REC114: variants seen among roughly 807,000 people sequenced by gnomAD.
REC114 encodes the protein meiotic recombination protein REC114.
Under a neutral mutation model 31.3 loss-of-function variants are expected in REC114, and 27 were observed. The ratio of observed to expected loss-of-function variants is 0.86; its 90% CI spans 0.64 to 1.19. The LOEUF is 1.19. Ranked by LOEUF, REC114 falls within the 50% of genes most tolerant of loss-of-function variation. REC114 has a pLI of 0.00. For synonymous variants in REC114, 134 were observed against 127.7 expected, an observed-to-expected ratio of 1.05 and a Z score of -0.33; for missense variants, 344 against 326.9, an observed-to-expected ratio of 1.05 and a Z score of -0.40.
At position 73,443,192 on chromosome 15, in the gene REC114, G is replaced by A; in HGVS notation, c.7G>A (p.Glu3Lys). The A allele has an allele frequency of 3.2e-6, 5 of 1,568,146 alleles. No homozygotes were observed. The highest frequency in any genetic ancestry group is 4.3e-6 in the Non-Finnish European group (5 of 1,157,988). MA[E>K]AGKVPLSLGL... Reference sequence around the variant, plus strand: ...GCGTGTGGTGAGGCAGGACATGGCGGAGGCAGGAAAAGTGCCCTTGAGCCT... The same window carrying A: ...GCGTGTGGTGAGGCAGGACATGGCGAAGGCAGGAAAAGTGCCCTTGAGCCT... The change falls in exon 1 of 6, where the codon GAG (glutamate) becomes AAG (lysine). Residue 3 changes from glutamate (E) to lysine (K), a missense_variant. Coordinates refer to ENST00000331090, the MANE Select transcript of REC114 (RefSeq NM_001042367.2).
intron 2 of REC114, among the ~76,000 whole-genome samples, chr15:73,535,068 A>G (rs557889373): frequency 7.1e-6 from 1 of 140,040 alleles, no homozygotes; most frequent in East Asian, 2.0e-4. Context: ...CCCACAGCCA[A>G]TATCATACTG....
chr15:73,457,578 C>T (rs1247407124), intron 1 of REC114, among the ~76,000 whole-genome samples: 2 of 152,136 alleles, frequency 1.3e-5, no homozygotes, highest in East Asian at 1.9e-4. Context: ...TAACCTGGGG[C>T]AGTGGTAAGG....
chr15:73,530,166 G>A (rs1466589953), intron 2 of REC114, among the ~76,000 whole-genome samples: 1 of 152,106 alleles, frequency 6.6e-6, no homozygotes, highest in African/African-American at 2.4e-5. Context: ...TGTGGAATAG[G>A]TACTTTGAAG....
At chr15:73,449,801 C>A (rs777728384) in intron 1 of REC114, among the ~76,000 whole-genome samples, 1 of 152,134 alleles carries the variant, frequency 6.6e-6, no homozygotes, top group Non-Finnish European at 1.5e-5. Flanking sequence ...GCAGATCTTT[C>A]GGCAGAACCC....
chr15:73,451,024 G>A (rs777905749), intron 1 of REC114, among the ~76,000 whole-genome samples: 6 of 152,150 alleles, frequency 3.9e-5, no homozygotes, highest in Admixed American at 6.5e-5. Context: ...ATGCCCACAA[G>A]AGAAAGCAGG....
chr15:73,518,973 C>A (rs1243632299), intron 2 of REC114, among the ~76,000 whole-genome samples: 1 of 152,060 alleles, frequency 6.6e-6, no homozygotes, highest in African/African-American at 2.4e-5. Flanking sequence ...AAAACAAGCC[C>A]ATGAAAAATG....
Position 73,531,763 on chromosome 15 carries a change from G to A in REC114, c.250-8722G>A, listed in dbSNP as rs189353193. On this transcript the variant is annotated intron_variant, in intron 2 of 5. Transcript: ENST00000331090. The stretch of plus-strand genomic sequence containing the variant: ...AGGGTAGAAGCAACAGCCAGCCATT[G>A]CAGGGCACAGCACCTCCTGCTGCTA... 2.1e-3 allele frequency among the ~76,000 whole-genome samples: 322 copies of A among 152,276 alleles called. 1 individual carries two copies. The highest frequency in any genetic ancestry group is 3.2e-3 in the Non-Finnish European group (221 of 68,024).
At chr15:73,514,398 C>G (rs1029409333) in intron 2 of REC114, among the ~76,000 whole-genome samples, 1 of 151,874 alleles carries the variant, frequency 6.6e-6, no homozygotes, top group Non-Finnish European at 1.5e-5. Context: ...AGAAATCACC[C>G]GTCTTCTGCG....
chr15:73,541,351 C>T (rs1894235075), intron 3 of REC114, among the ~76,000 whole-genome samples: 1 of 152,188 alleles, frequency 6.6e-6, no homozygotes, highest in Non-Finnish European at 1.5e-5. Context: ...TTTCATATCA[C>T]ATTTCAGTTG....
chr15:73,556,556 G>A (rs117763921), intron 5 of REC114, among the ~76,000 whole-genome samples, 165 bp downstream of exon 5: 209 of 152,232 alleles, frequency 1.4e-3, no homozygotes, highest in Middle Eastern at 3.4e-3. Flanking sequence ...CCCTTGCAGA[G>A]TTAAGTTTTA....
chr15:73,540,561 C>A lies in REC114; in HGVS notation c.326C>A (p.Thr109Lys), dbSNP rs540050346. 3.1e-6 allele frequency: 5 copies of A among 1,611,954 alleles called. No homozygotes were observed. The South Asian group carries it at 4.4e-5, about 14-fold the overall frequency. The change falls in exon 3 of 6, where the codon ACG becomes AAG. Residue 109 changes from threonine to lysine, a missense_variant. Thr to Lys is a moderately conservative substitution (Grantham distance 78, BLOSUM62 -1). Transcript: ENST00000331090. ...GTGGATTGTCTGTTGTTTGGAACAA[C>A]GATAAAGGCAAGATTTAAGCTAATG... ...RRVDCLLFGT[T>K]IKDKSRLFRV...
At chr15:73,531,428 A>G (rs1894081093) in intron 2 of REC114, among the ~76,000 whole-genome samples, 1 of 152,174 alleles carries the variant, frequency 6.6e-6, no homozygotes, top group African/African-American at 2.4e-5. Context: ...GAGTGCATGG[A>G]TGACCACAAT....
chr15:73,525,760 A>G (rs999708616), intron 2 of REC114, among the ~76,000 whole-genome samples: 3 of 152,290 alleles, frequency 2.0e-5, no homozygotes, highest in Admixed American at 1.3e-4. Context: ...GAAGGTATGC[A>G]TATGGTATAT....
intron 1 of REC114, among the ~76,000 whole-genome samples, chr15:73,467,552 ACTTT>A (rs1893078683): frequency 6.6e-6 from 1 of 152,212 alleles, no homozygotes; most frequent in African/African-American, 2.4e-5. Flanking sequence ...AAGTTCAGAG[ACTTT>A]CTATGTCTTT....
At chr15:73,494,107 T>C (rs1178296556) in intron 2 of REC114, among the ~76,000 whole-genome samples, 1 of 152,206 alleles carries the variant, frequency 6.6e-6, no homozygotes, top group Non-Finnish European at 1.5e-5. Context: ...TCCATCACAA[T>C]ACCATGTCTT....
At chr15:73,535,350 G>A (rs1174295635) in intron 2 of REC114, among the ~76,000 whole-genome samples, 2 of 152,064 alleles carry the variant, frequency 1.3e-5, no homozygotes, top group African/African-American at 4.8e-5. Flanking sequence ...TACAAAATCA[G>A]TGTGCAAAAA....
At chr15:73,540,619 T>C in intron 3 of REC114, 51 bp downstream of exon 3, 4 of 1,500,814 alleles carry the variant, frequency 2.7e-6, no homozygotes, top group East Asian at 2.3e-5. Context: ...TGTGTGTATG[T>C]TGGGGAGGTA....
chr15:73,489,654 A>G (rs1893418671), intron 2 of REC114, among the ~76,000 whole-genome samples: 1 of 151,738 alleles, frequency 6.6e-6, no homozygotes, highest in Admixed American at 6.6e-5. Flanking sequence ...TTATATTATT[A>G]TTAACTTATG....
At chr15:73,462,482 G>A (rs923050099) in intron 1 of REC114, among the ~76,000 whole-genome samples, 6 of 151,952 alleles carry the variant, frequency 3.9e-5, no homozygotes, top group African/African-American at 9.7e-5. Flanking sequence ...CTACCTAGTC[G>A]ACAAAGAACA....
Sources: gnomAD v4.1 joint callset for allele counts (sites outside exome capture counted in the v4.1 genomes callset) on GRCh38, gnomAD v4.1.1 for gene constraint, MANE v1.5 for transcripts, NCBI Gene and HGNC (gene_info 2026-07-23, HGNC 2026-07-21) for gene names.